The following RHCE variants were observed in gnomAD, a reference collection of about 807,000 sequenced individuals.
RHCE encodes Rh blood group CcEe antigens.
RHCE carries 22 observed loss-of-function variants against 43.8 expected under a neutral mutation model. That is an observed-to-expected ratio of 0.50 (90% CI 0.36 to 0.72). RHCE has a LOEUF of 0.72. Ranked by LOEUF, RHCE falls within the 30% of genes least tolerant of loss-of-function variation. The pLI, the probability that RHCE is intolerant of heterozygous loss-of-function variation, is 0.00. For synonymous variants in RHCE, 156 were observed against 210.7 expected (o/e 0.74, Z 2.25); for missense variants, 385 against 525.4 (o/e 0.73, Z 2.61).
At chr1:25,415,945 G>C (rs1172635885) in intron 1 of RHCE, among the ~76,000 whole-genome samples, 2 of 151,908 alleles carry the variant, frequency 1.3e-5, no homozygotes, top group African/African-American at 2.4e-5. Flanking sequence ...GTCTGGCCTA[G>C]GGCCTGAGAA....
At chr1:25,421,613 G>C (rs934696093), upstream of RHCE, among the ~76,000 whole-genome samples, 19 of 152,154 alleles carry the variant, frequency 1.2e-4, no homozygotes, top group African/African-American at 4.6e-4. Context: ...CTCAGTACTG[G>C]ACAGTCCAGT....
chr1:25,412,725 A>AT (rs1447629508), intron 1 of RHCE, among the ~76,000 whole-genome samples: 6,690 of 146,376 alleles, frequency 0.046, 545 homozygotes, highest in African/African-American at 0.16. Flanking sequence ...TAAAAAAAAA[A>AT]AAAAAAAAAA....
chr1:25,400,176 T>G (rs1646687825), intron 3 of RHCE, among the ~76,000 whole-genome samples: 1 of 152,188 alleles, frequency 6.6e-6, no homozygotes, highest in Non-Finnish European at 1.5e-5. Context: ...CCTCCATTTC[T>G]CTGTTCCCCT....
intron 7 of RHCE, among the ~76,000 whole-genome samples, chr1:25,376,674 G>C (rs1041232526): frequency 2.6e-5 from 4 of 152,150 alleles, no homozygotes; most frequent in Non-Finnish European, 4.4e-5. Context: ...CCGCACTTTG[G>C]GAGGCCGAGG....
At chr1:25,387,001 A>T (rs575183394) in intron 6 of RHCE, among the ~76,000 whole-genome samples, 1 of 152,230 alleles carries the variant, frequency 6.6e-6, no homozygotes, top group African/African-American at 2.4e-5. Flanking sequence ...ACTGCACTCC[A>T]GCCTGGGTGA....
intron 7 of RHCE, among the ~76,000 whole-genome samples, chr1:25,381,456 TC>T (rs1470007730): frequency 1.4e-5 from 2 of 147,470 alleles, no homozygotes; most frequent in African/African-American, 5.3e-5. Context: ...TTTTTCTTTT[TC>T]TTTTTTTTTT....
intron 1 of RHCE, among the ~76,000 whole-genome samples, chr1:25,417,832 T>G (rs1306437376): frequency 6.6e-6 from 1 of 152,182 alleles, no homozygotes; most frequent in Non-Finnish European, 1.5e-5. Context: ...AATACTACAC[T>G]ACAGCCTCCA....
intron 7 of RHCE, among the ~76,000 whole-genome samples, chr1:25,378,370 G>T (rs778276601): frequency 7.9e-5 from 12 of 152,320 alleles, no homozygotes; most frequent in South Asian, 4.1e-4. Context: ...AGAATGTTCA[G>T]AGGAGCAATA....
intron 6 of RHCE, among the ~76,000 whole-genome samples, chr1:25,388,365 G>A (rs1312182593): frequency 5.3e-5 from 7 of 132,658 alleles, no homozygotes; most frequent in African/African-American, 8.6e-5. Flanking sequence ...AAGTGGACAC[G>A]ACCTGGACCA....
Position 25,385,789 on chromosome 1 carries a change from A to AAG in RHCE, c.993_994dup (p.Phe332SerfsTer28). On this transcript the variant is annotated frameshift_variant, in exon 7 of 10. Transcript: ENST00000294413. LOFTEE classifies it high-confidence loss of function. Reference sequence around the variant, plus strand: ...CTCTCCAAGCAGACCCAGCAAGCTGAAGATGGAGTGCATGACGGAGATGTG... The same window carrying AAG: ...CTCTCCAAGCAGACCCAGCAAGCTGAAGAGATGGAGTGCATGACGGAGATGTG... The AAG allele has an allele frequency of 6.2e-7, 1 of 1,614,022 alleles. No individual in the cohort carries two copies. Among genetic ancestry groups the AAG allele is most frequent in the Non-Finnish European group, 8.5e-7 (1 of 1,180,034 alleles).
chr1:25,391,842 A>T, intron 4 of RHCE, 152 bp downstream of exon 4: 4 of 1,095,716 alleles, frequency 3.7e-6, no homozygotes, highest in Non-Finnish European at 4.1e-6. Flanking sequence ...GTATGAATTT[A>T]GCAAACACTA....
chr1:25,412,197 T>C (rs1235272833), intron 1 of RHCE, among the ~76,000 whole-genome samples: 1 of 152,248 alleles, frequency 6.6e-6, no homozygotes, highest in East Asian at 1.9e-4. Context: ...ACTATGTCCT[T>C]GCACAGGCTA....
At chr1:25,369,002 C>G (rs886556447) in intron 9 of RHCE, among the ~76,000 whole-genome samples, 1 of 151,790 alleles carries the variant, frequency 6.6e-6, no homozygotes. Flanking sequence ...CTCAAGTGAT[C>G]CACCCGCCTT....
chr1:25,421,024 G>GTTCC, upstream of RHCE: 1 of 548,858 alleles, frequency 1.8e-6, no homozygotes, highest in East Asian at 3.2e-5. Flanking sequence ...AAGTTGCTGT[G>GTTCC]TTCCTGTTAC....
intron 3 of RHCE, among the ~76,000 whole-genome samples, chr1:25,396,762 G>A (rs531233819): frequency 4.6e-5 from 7 of 152,298 alleles, no homozygotes; most frequent in Admixed American, 1.3e-4. Flanking sequence ...CCCTCAACAC[G>A]TGGAGATTAC....
intron 3 of RHCE, among the ~76,000 whole-genome samples, chr1:25,399,951 G>T (rs1213595634): frequency 6.6e-6 from 1 of 152,104 alleles, no homozygotes; most frequent in Non-Finnish European, 1.5e-5. Context: ...AATCTCTAAT[G>T]TGAAAATGTA....
At position 25,372,326 on chromosome 1, in the gene RHCE, C is replaced by G. The variant is rs528995520; in HGVS notation, c.1154-1786G>C. On this transcript the variant is annotated intron_variant, in intron 8 of 9. Coordinates refer to ENST00000294413, the MANE Select transcript of RHCE (RefSeq NM_020485.8). ...CCTGAGGTCAGGAGTTCGAGACCAG[C>G]ATGACCAACATGGAGAAACCCTGTC... Among the ~76,000 whole-genome samples the G allele has an allele frequency of 1.5e-4, 23 of 151,556 alleles. No individual in the cohort carries two copies. The East Asian group carries it at 4.3e-3, about 28-fold the overall frequency.
chr1:25,396,545 A>G (rs113498260), intron 3 of RHCE, among the ~76,000 whole-genome samples: 235 of 148,368 alleles, frequency 1.6e-3, no homozygotes, highest in South Asian at 8.2e-3. Context: ...GCATGGCCGG[A>G]GAGGCCTCAG....
intron 3 of RHCE, among the ~76,000 whole-genome samples, chr1:25,393,986 A>T (rs1277480936): frequency 1.3e-5 from 2 of 149,988 alleles, no homozygotes; most frequent in Non-Finnish European, 3.0e-5. Context: ...TTTTATTTTT[A>T]TTTATTTATT....
Sources: allele counts gnomAD v4.1 joint callset (sites outside exome capture counted in the v4.1 genomes callset), GRCh38; gene constraint gnomAD v4.1.1; transcripts MANE v1.5; gene names NCBI Gene and HGNC (gene_info 2026-07-23, HGNC 2026-07-21).